Variants in ITCH observed in about 807,000 individuals in gnomAD.
The protein encoded by ITCH is itchy E3 ubiquitin protein ligase, also known as E3 ubiquitin-protein ligase Itchy homolog.
Under a neutral mutation model 126.8 loss-of-function variants are expected in ITCH, and 28 were observed. The ratio of observed to expected loss-of-function variants is 0.22; its 90% CI spans 0.16 to 0.30. The LOEUF is 0.30. Ranked by LOEUF, ITCH falls within the 10% of genes least tolerant of loss-of-function variation. The pLI is 1.00. For missense variants in ITCH, 631 were observed against 1,032.4 expected (o/e 0.61, Z 5.33); for synonymous variants, 342 against 340.0 (o/e 1.01, Z -0.06).
intron 18 of ITCH, 28 bp downstream of exon 18, chr20:34,479,817 C>T (rs376734589): frequency 1.6e-4 from 264 of 1,603,592 alleles, no homozygotes; most frequent in Non-Finnish European, 2.2e-4. Flanking sequence ...ATTATGTTTA[C>T]TTTGCTTATT....
rs1321420893 is a variant in ITCH, at chr20:34,401,693, C to T, written c.71-6958C>T. On this transcript the variant is annotated intron_variant, in intron 3 of 24. Coordinates refer to ENST00000374864, the MANE Select transcript of ITCH (RefSeq NM_031483.7). Reference sequence around the variant, plus strand: ...CAATCGGTCCTCCTCACCTTAAGGGCCATCCACTGGTTAATGAATTAAAAA... The same window carrying T: ...CAATCGGTCCTCCTCACCTTAAGGGTCATCCACTGGTTAATGAATTAAAAA... The T allele has an allele frequency of 9.0e-6, 8 of 888,504 alleles. No homozygotes were observed. In the East Asian group the frequency reaches 7.2e-4, roughly 80 times the overall value. The allele number at this position is 888,504 out of a possible 1,614,324, so 55.0% of individuals were successfully genotyped here.
At chr20:34,394,740 G>A (rs969967284) in intron 3 of ITCH, among the ~76,000 whole-genome samples, 1 of 152,156 alleles carries the variant, frequency 6.6e-6, no homozygotes, top group East Asian at 1.9e-4. Context: ...ATGCAATGGG[G>A]TACAAAATGG....
rs1428002854 is a variant in ITCH at position 34,492,565 on chromosome 20, G to T, written c.2384G>T (p.Arg795Leu). The T allele has an allele frequency of 6.2e-7, 1 of 1,612,756 alleles. No individual in the cohort carries two copies. Among genetic ancestry groups the T allele is most frequent in the Non-Finnish European group, 8.5e-7 (1 of 1,178,806 alleles). The change falls in exon 23 of 25, where the codon CGA becomes CTA. Residue 795 changes from arginine (R) to leucine (L), a missense_variant. Transcript: ENST00000374864. ...CTGCAGTTTGTTACTGGAACCTGCC[G>T]ATTGCCAGTAGGAGGATTTGCTGAT... ...RLLQFVTGTC[R>L]LPVGGFADLM...
rs371860516 is a variant in ITCH at position 34,445,395 on chromosome 20, A to G, written c.1074A>G (p.Gln358=). The stretch of plus-strand genomic sequence containing the variant: ...TGGAATCCGTCCGGAACTATGAACA[A>G]TGGCAGCTACAGCGTAGTCAGCTTC... ...PTLESVRNYE[Q]WQLQRSQLQG... is the part of the protein sequence containing the mutation. Residue 358 remains glutamine (Q), a synonymous_variant, in exon 11 of 25, where the codon CAA becomes CAG. Coordinates refer to ENST00000374864, the MANE Select transcript of ITCH (RefSeq NM_031483.7). 1.9e-5 allele frequency: 30 copies of G among 1,614,058 alleles called. No individual in the cohort carries two copies. The highest frequency in any genetic ancestry group is 2.5e-5 in the Non-Finnish European group (29 of 1,180,036).
chr20:34,482,112 T>G (rs191973986), intron 20 of ITCH, among the ~76,000 whole-genome samples: 34 of 152,340 alleles, frequency 2.2e-4, no homozygotes, highest in Admixed American at 2.0e-3. Context: ...GATCCCATGA[T>G]TCAGTTATCT....
At chr20:34,369,523 A>C (rs2037540609) in intron 2 of ITCH, 53 bp downstream of exon 2, 2 of 397,172 alleles carry the variant, frequency 5.0e-6, no homozygotes, top group South Asian at 2.6e-4. Flanking sequence ...GCAGAGGCCA[A>C]GCTCTGGTCT....
At chr20:34,440,498 C>A (rs937481149) in intron 9 of ITCH, among the ~76,000 whole-genome samples, 154 bp downstream of exon 9, 1 of 151,786 alleles carries the variant, frequency 6.6e-6, no homozygotes, top group Non-Finnish European at 1.5e-5. Context: ...GCTCTGTCTC[C>A]CAGACTGGAG....
chr20:34,467,961 T>C (rs1286417733), intron 14 of ITCH, among the ~76,000 whole-genome samples: 1 of 151,626 alleles, frequency 6.6e-6, no homozygotes, highest in East Asian at 1.9e-4. Context: ...AGAAAAATCA[T>C]ACGATAATTT....
In ITCH at chr20:34,400,251, G is replaced by A. The variant is rs544232140; in HGVS notation, c.70+6370G>A. On this transcript the variant is annotated intron_variant, in intron 3 of 24. Transcript: ENST00000374864. ...TGCGCCCGGCCAAAAATTTTTTTTT[G>A]TAGAAACAAGGTCTTGCTATGTTGC... Among the ~76,000 whole-genome samples, 7 of 151,880 alleles carry A rather than the reference G, an allele frequency of 4.6e-5. No individual in the cohort carries two copies. The East Asian group carries it at 1.4e-3, about 29-fold the overall frequency.
intron 1 of ITCH, among the ~76,000 whole-genome samples, chr20:34,365,739 T>C (rs771156729): frequency 1.3e-5 from 2 of 152,190 alleles, no homozygotes; most frequent in East Asian, 3.8e-4. Flanking sequence ...TTTTCACTTA[T>C]TGGGAGAGGC....
chr20:34,434,530 T>C (rs1166678989), intron 7 of ITCH, among the ~76,000 whole-genome samples: 3 of 152,150 alleles, frequency 2.0e-5, no homozygotes, highest in Non-Finnish European at 4.4e-5. Flanking sequence ...TCCTAGAGGA[T>C]ATAGTCTGCC....
chr20:34,469,376 C>A (rs1328920616), intron 14 of ITCH, among the ~76,000 whole-genome samples: 2 of 152,054 alleles, frequency 1.3e-5, no homozygotes, highest in African/African-American at 4.8e-5. Flanking sequence ...GCAGCCTTGA[C>A]CTCTGAGGTT....
chr20:34,417,259 G>T, intron 6 of ITCH: 1 of 553,966 alleles, frequency 1.8e-6, no homozygotes, highest in Non-Finnish European at 3.2e-6. Context: ...ACCACGCCTG[G>T]CTAATTTTGT....
intron 2 of ITCH, among the ~76,000 whole-genome samples, chr20:34,373,209 A>G (rs1005460548): frequency 1.3e-5 from 2 of 151,974 alleles, no homozygotes; most frequent in Non-Finnish European, 2.9e-5. Context: ...CCTGACCTCA[A>G]ATAATCCACC....
intron 2 of ITCH, among the ~76,000 whole-genome samples, chr20:34,378,660 ACTTTC>A (rs1370287453): frequency 6.6e-6 from 1 of 152,164 alleles, no homozygotes; most frequent in African/African-American, 2.4e-5. Flanking sequence ...TGAAAAAGGC[ACTTTC>A]CTTTTATTTT....
intron 7 of ITCH, among the ~76,000 whole-genome samples, chr20:34,436,821 G>T (rs563277098): frequency 3.0e-4 from 45 of 152,308 alleles, no homozygotes; most frequent in Admixed American, 2.5e-3. Flanking sequence ...TACACAGTTT[G>T]AAAATGTCTT....
chr20:34,384,362 A>C (rs1241217057), intron 2 of ITCH: 3 of 147,248 alleles, frequency 2.0e-5, no homozygotes, highest in Non-Finnish European at 4.5e-5. Flanking sequence ...TCTCACTGCA[A>C]CCTCCGCCTT....
chr20:34,430,453 T>G (rs1247392848), intron 7 of ITCH, among the ~76,000 whole-genome samples: 1 of 152,166 alleles, frequency 6.6e-6, no homozygotes, highest in Non-Finnish European at 1.5e-5. Flanking sequence ...AGGAATGTCT[T>G]TTAAAATAAT....
chr20:34,394,871 A>G (rs940230891), intron 3 of ITCH, among the ~76,000 whole-genome samples: 16 of 152,160 alleles, frequency 1.1e-4, no homozygotes, highest in African/African-American at 3.9e-4. Flanking sequence ...CCTGGGACAA[A>G]GTCTGTTTGG....
Sources: gnomAD v4.1 joint callset for allele counts (sites outside exome capture counted in the v4.1 genomes callset) on GRCh38, gnomAD v4.1.1 for gene constraint, MANE v1.5 for transcripts, NCBI Gene and HGNC (gene_info 2026-07-23, HGNC 2026-07-21) for gene names.